USP32: variants seen among roughly 807,000 people sequenced by gnomAD.
USP32 encodes ubiquitin specific peptidase 32.
USP32 carries 59 observed loss-of-function variants against 204.8 expected under a neutral mutation model. That is an observed-to-expected ratio of 0.29 (90% confidence interval 0.23 to 0.36). The LOEUF (loss-of-function observed/expected upper bound fraction) is 0.36, where lower values mean the gene tolerates loss of function less well. USP32 is among the 10% of genes least tolerant of loss of function. The pLI, the probability that USP32 is intolerant of heterozygous loss-of-function variation, is 1.00. For synonymous variants in USP32, 517 were observed against 678.4 expected (o/e 0.76, Z 3.70); for missense variants, 1,160 against 1,946.4 (o/e 0.60, Z 7.60).
chr17:60,179,069 C>T lies in USP32; in HGVS notation c.*186G>A, dbSNP rs2084035163. On this transcript the variant is annotated 3_prime_UTR_variant, in exon 34 of 34. Transcript: ENST00000300896. ...TCTCTATCGGAGAGCTTGTATGAGA[C>T]TTCAAAATAAAATGATTACTACTCT... 4 of 702,026 alleles carry T rather than the reference C, an allele frequency of 5.7e-6. No homozygotes were observed. The highest frequency in any genetic ancestry group is 2.2e-6 in the Non-Finnish European group (1 of 448,240). 43.5% of individuals were successfully genotyped at this position (702,026 alleles called of 1,614,324 possible).
In USP32 at chr17:60,255,384, G is replaced by C. The variant is rs1427286900; in HGVS notation, c.991-126C>G. On this transcript the variant is annotated intron_variant, in intron 9 of 33. Transcript: ENST00000300896. ...ACGATCTTGGCTCACTGAAACCTCG[G>C]CCTCCTGGGTGCAAGCGATTCTCCT... is the stretch of plus-strand genomic sequence containing the variant. 9.6e-6 allele frequency: 6 copies of C among 625,552 alleles called. No individual in the cohort carries two copies. The Admixed American group carries it at 1.4e-4, about 14-fold the overall frequency. 38.8% of individuals were successfully genotyped at this position (625,552 alleles called of 1,614,324 possible).
intron 12 of USP32, chr17:60,231,738 T>C: frequency 5.7e-6 from 2 of 348,586 alleles, no homozygotes; most frequent in South Asian, 2.5e-5. Context: ...TGCTCCTTCA[T>C]AGTTCTCAAA....
In USP32 at chr17:60,391,961, G is replaced by A. The variant is rs765222192; in HGVS notation, c.-22C>T. ...CCATGCTCCCCTCATCCCCTCGGCG[G>A]GGGGTCGGAGCCTGATCTCGCCCCC... On this transcript the variant is annotated 5_prime_UTR_variant, in exon 1 of 34. Coordinates refer to ENST00000300896, the MANE Select transcript of USP32 (RefSeq NM_032582.4). 1.3e-5 allele frequency: 21 copies of A among 1,607,102 alleles called. No homozygotes were observed. The highest frequency in any genetic ancestry group is 1.6e-5 in the Non-Finnish European group (19 of 1,177,182).
At chr17:60,232,476 ATT>A (rs764051983) in intron 12 of USP32, among the ~76,000 whole-genome samples, 63 of 120,300 alleles carry the variant, frequency 5.2e-4, no homozygotes, top group Admixed American at 7.4e-4. Flanking sequence ...CCTGGCCCAA[ATT>A]TTTTTTTTTT....
intron 2 of USP32, among the ~76,000 whole-genome samples, chr17:60,325,992 A>C (rs1204960729): frequency 6.6e-6 from 1 of 151,414 alleles, no homozygotes; most frequent in Non-Finnish European, 1.5e-5. Flanking sequence ...AAAAAAAAAA[A>C]AGTAAAAATA....
At chr17:60,411,047 G>C (rs1002822833) in intron 1 of USP32, among the ~76,000 whole-genome samples, 4 of 151,838 alleles carry the variant, frequency 2.6e-5, no homozygotes, top group Admixed American at 2.6e-4. Flanking sequence ...TAGCCAGCCA[G>C]GCCAGGCACG....
At chr17:60,410,422 A>G (rs1221137107) in intron 1 of USP32, among the ~76,000 whole-genome samples, 1 of 152,130 alleles carries the variant, frequency 6.6e-6, no homozygotes, top group African/African-American at 2.4e-5. Context: ...TAATCCCAGC[A>G]CTTTGGGAGG....
chr17:60,210,785 C>T (rs1265063398), intron 21 of USP32, among the ~76,000 whole-genome samples: 13 of 152,268 alleles, frequency 8.5e-5, no homozygotes, highest in Non-Finnish European at 5.9e-5. Flanking sequence ...AAATGAATGA[C>T]ATCCCGAATT....
At chr17:60,260,290 G>A (rs944353210) in intron 9 of USP32, among the ~76,000 whole-genome samples, 3 of 152,144 alleles carry the variant, frequency 2.0e-5, no homozygotes, top group Non-Finnish European at 4.4e-5. Flanking sequence ...GGAGGCTGAG[G>A]CAGGTGGATC....
intron 30 of USP32, among the ~76,000 whole-genome samples, chr17:60,184,515 A>G (rs2084198468): frequency 6.6e-6 from 1 of 152,080 alleles, no homozygotes; most frequent in African/African-American, 2.4e-5. Context: ...CATGAATAGA[A>G]TAAGAAAACA....
At chr17:60,318,466 A>T (rs2088036025) in intron 2 of USP32, among the ~76,000 whole-genome samples, 1 of 152,220 alleles carries the variant, frequency 6.6e-6, no homozygotes. Flanking sequence ...GGACTTGTTC[A>T]CATCTCTAGA....
intron 27 of USP32, among the ~76,000 whole-genome samples, chr17:60,196,831 A>G (rs2084532815): frequency 1.3e-5 from 2 of 152,150 alleles, no homozygotes; most frequent in Non-Finnish European, 2.9e-5. Context: ...TGTCAAAAAA[A>G]TACAAAATAA....
intron 1 of USP32, among the ~76,000 whole-genome samples, chr17:60,371,676 A>G (rs532375056): frequency 6.6e-6 from 1 of 152,342 alleles, no homozygotes; most frequent in Non-Finnish European, 1.5e-5. Context: ...CCACATTGAG[A>G]TACTACTTTC....
intron 27 of USP32, among the ~76,000 whole-genome samples, chr17:60,196,942 A>G (rs2084535633): frequency 6.6e-6 from 1 of 151,918 alleles, no homozygotes; most frequent in African/African-American, 2.4e-5. Flanking sequence ...GTACTTTGAG[A>G]GGCCGAGGTA....
At chr17:60,197,541 C>T (rs1379182320) in intron 27 of USP32, among the ~76,000 whole-genome samples, 1 of 152,090 alleles carries the variant, frequency 6.6e-6, no homozygotes, top group Non-Finnish European at 1.5e-5. Flanking sequence ...GAGGTGGAGG[C>T]TGCAGTAAGC....
intron 9 of USP32, among the ~76,000 whole-genome samples, chr17:60,264,040 T>C (rs1325377698): frequency 1.3e-5 from 2 of 152,198 alleles, no homozygotes; most frequent in Admixed American, 6.5e-5. Context: ...CAGGGACACA[T>C]AGACATCATA....
At position 60,311,650 on chromosome 17, in the gene USP32, C is replaced by G. The variant is rs2087857319; in HGVS notation, c.187-9946G>C. Among the ~76,000 whole-genome samples, 3 of 152,258 alleles carry G rather than the reference C, an allele frequency of 2.0e-5. No individual in the cohort carries two copies. The South Asian group carries it at 6.2e-4, about 32-fold the overall frequency. ...CCAGCCTGGCCAACATGGTGAAACC[C>G]TGTCTCTACTAAAAATACAAAAAAA... On this transcript the variant is annotated intron_variant, in intron 2 of 33. Transcript: ENST00000300896.
intron 11 of USP32, among the ~76,000 whole-genome samples, chr17:60,239,006 G>A (rs868707348): frequency 6.6e-5 from 10 of 152,250 alleles, no homozygotes; most frequent in African/African-American, 1.9e-4. Context: ...ATGAAATGCA[G>A]TAGTTTTTCT....
chr17:60,392,274 A>C, upstream of USP32: 8 of 305,262 alleles, frequency 2.6e-5, no homozygotes, highest in Non-Finnish European at 5.0e-5. Context: ...ACGGGACCCG[A>C]GGCCAGACAC....
Sources: allele counts gnomAD v4.1 joint callset (sites outside exome capture counted in the v4.1 genomes callset), GRCh38; gene constraint gnomAD v4.1.1; transcripts MANE v1.5; gene names NCBI Gene and HGNC (gene_info 2026-07-23, HGNC 2026-07-21).